Variants in RGS5 observed in about 807,000 individuals in gnomAD.
RGS5 encodes the protein regulator of G protein signaling 5.
In RGS5, 20 loss-of-function variants were observed where a neutral mutation model predicts 18.9. The ratio of observed to expected loss-of-function variants is 1.06; its 90% CI spans 0.74 to 1.54. The LOEUF (loss-of-function observed/expected upper bound fraction) is 1.54, where lower values mean the gene tolerates loss of function less well. Ranked by LOEUF, RGS5 falls within the 40% of genes most tolerant of loss-of-function variation. The probability of loss-of-function intolerance (pLI) is 0.00; values close to 1 mark genes in which losing one functional copy is unlikely to be tolerated. For synonymous variants in RGS5, 57 were observed against 76.2 expected (o/e 0.75, Z 1.31); for missense variants, 201 against 211.8 (o/e 0.95, Z 0.32).
At chr1:163,282,047 G>A (rs4657257) in intron 2 of RGS5, among the ~76,000 whole-genome samples, 32,752 of 132,902 alleles carry the variant, frequency 0.25, 4,030 homozygotes, top group Non-Finnish European at 0.28. Context: ...GCACGCGCGC[G>A]CACACACACA....
At chr1:163,299,247 T>C (rs10917715) in intron 2 of RGS5, among the ~76,000 whole-genome samples, 96,015 of 152,046 alleles carry the variant, frequency 0.63, 30,782 homozygotes, top group Non-Finnish European at 0.68. Flanking sequence ...AGTCTTCTGT[T>C]CTTTATTGCT....
chr1:163,232,407 A>G (rs576133664), intron 2 of RGS5, among the ~76,000 whole-genome samples: 40 of 152,300 alleles, frequency 2.6e-4, no homozygotes, highest in African/African-American at 9.4e-4. Flanking sequence ...AAAGATAAGT[A>G]TAAACTTTTT....
intron 1 of RGS5, among the ~76,000 whole-genome samples, chr1:163,179,427 G>A (rs1184001832): frequency 1.3e-5 from 2 of 152,124 alleles, no homozygotes; most frequent in Admixed American, 6.5e-5. Context: ...AAGTGGCAAG[G>A]TTTATTATTA....
chr1:163,228,781 T>C (rs1647398127), intron 2 of RGS5, among the ~76,000 whole-genome samples: 1 of 152,178 alleles, frequency 6.6e-6, no homozygotes, highest in African/African-American at 2.4e-5. Context: ...CCCTAAATCA[T>C]CTGTTTCAAG....
chr1:163,259,244 C>T (rs1026692146), intron 2 of RGS5, among the ~76,000 whole-genome samples: 21 of 151,754 alleles, frequency 1.4e-4, no homozygotes, highest in Non-Finnish European at 2.4e-4. Flanking sequence ...CTCCAACTTC[C>T]GGGTTCATGC....
intron 2 of RGS5, among the ~76,000 whole-genome samples, chr1:163,280,390 C>A (rs1042746912): frequency 1.3e-5 from 2 of 151,938 alleles, no homozygotes; most frequent in Non-Finnish European, 2.9e-5. Context: ...ATCACATCAA[C>A]AGGATGAAGG....
In RGS5 at chr1:163,184,641, A is replaced by C. The variant is rs1284730216; in HGVS notation, c.45-16273T>G. Among the ~76,000 whole-genome samples the C allele has an allele frequency of 5.9e-5, 9 of 152,332 alleles. No individual in the cohort carries two copies. The East Asian group carries it at 1.7e-3, about 29-fold the overall frequency. ...TTATCTAAGTTGGCCCAATATAATTACAAGAATCCTTGTAAGAAGAAGGCA... is the reference window on the plus strand; with the variant it reads ...TTATCTAAGTTGGCCCAATATAATTCCAAGAATCCTTGTAAGAAGAAGGCA... On this transcript the variant is annotated intron_variant, in intron 1 of 4. Transcript: ENST00000313961.
chr1:163,156,336 G>A (rs1657580174), intron 3 of RGS5, among the ~76,000 whole-genome samples: 1 of 152,094 alleles, frequency 6.6e-6, no homozygotes, highest in South Asian at 2.1e-4. Context: ...TTATTATTAT[G>A]TAGCTCAATA....
chr1:163,199,925 C>T (rs142041284), intron 1 of RGS5, among the ~76,000 whole-genome samples: 144 of 152,206 alleles, frequency 9.5e-4, no homozygotes, highest in African/African-American at 3.3e-3. Context: ...CCTGCCTTAG[C>T]CTCCCAAAGT....
At chr1:163,261,998 G>A (rs1648449514) in intron 2 of RGS5, among the ~76,000 whole-genome samples, 1 of 151,828 alleles carries the variant, frequency 6.6e-6, no homozygotes, top group Non-Finnish European at 1.5e-5. Context: ...CTTGAGCAAA[G>A]CAATCCACAC....
chr1:163,246,208 G>A (rs189251305), intron 2 of RGS5, among the ~76,000 whole-genome samples: 234 of 147,270 alleles, frequency 1.6e-3, no homozygotes, highest in African/African-American at 5.3e-3. Context: ...GCGACAGAGC[G>A]AGACTCCATC....
At chr1:163,259,391 C>T (rs1648370140) in intron 2 of RGS5, among the ~76,000 whole-genome samples, 1 of 150,950 alleles carries the variant, frequency 6.6e-6, no homozygotes, top group South Asian at 2.1e-4. Context: ...GTCTCGATCT[C>T]CTGACCTCGT....
At chr1:163,284,345 T>C (rs1307678347) in intron 2 of RGS5, among the ~76,000 whole-genome samples, 1 of 152,214 alleles carries the variant, frequency 6.6e-6, no homozygotes, top group African/African-American at 2.4e-5. Flanking sequence ...TATCTATTCA[T>C]GCTCATGGCT....
chr1:163,149,082 C>T (rs963278497), intron 4 of RGS5, among the ~76,000 whole-genome samples: 4 of 152,106 alleles, frequency 2.6e-5, no homozygotes, highest in African/African-American at 9.7e-5. Context: ...GGATGAAGGG[C>T]GTTGAGCTAC....
At chr1:163,154,521 A>G (rs1047869774) in intron 3 of RGS5, among the ~76,000 whole-genome samples, 1 of 152,082 alleles carries the variant, frequency 6.6e-6, no homozygotes, top group Admixed American at 6.6e-5. Flanking sequence ...ATCTAGGAGC[A>G]ATGGTAGGTA....
At chr1:163,257,333 T>G (rs1383177517) in intron 2 of RGS5, among the ~76,000 whole-genome samples, 1 of 151,820 alleles carries the variant, frequency 6.6e-6, no homozygotes, top group East Asian at 1.9e-4. Context: ...CAAAGAGGAT[T>G]CTTTAGGGTC....
chr1:163,150,178 A>C (rs1369903306), intron 4 of RGS5, among the ~76,000 whole-genome samples: 1 of 151,908 alleles, frequency 6.6e-6, no homozygotes, highest in Non-Finnish European at 1.5e-5. Context: ...ATAAGCATAG[A>C]TCATTTAGAA....
chr1:163,318,890 G>A (rs1459467331), intron 1 of RGS5: 1 of 152,136 alleles, frequency 6.6e-6, no homozygotes, highest in Non-Finnish European at 1.5e-5. Flanking sequence ...GAAGTGGAGA[G>A]GGAGGAAGTT....
chr1:163,212,643 G>T (rs1167736817), intron 1 of RGS5: 3 of 152,230 alleles, frequency 2.0e-5, no homozygotes, highest in African/African-American at 7.2e-5. Flanking sequence ...TGAGGAGCAG[G>T]CTTCCTTATA....
Sources: allele counts gnomAD v4.1 joint callset (sites outside exome capture counted in the v4.1 genomes callset), GRCh38; gene constraint gnomAD v4.1.1; transcripts MANE v1.5; gene names NCBI Gene and HGNC (gene_info 2026-07-23, HGNC 2026-07-21).